Variants in CEP290 observed in about 807,000 individuals in gnomAD.
CEP290 encodes the protein centrosomal protein of 290 kDa.
In CEP290, 317 loss-of-function variants were observed where a neutral mutation model predicts 344.9. The observed-to-expected ratio is 0.92, with a 90% CI of 0.84 to 1.01. The LOEUF (loss-of-function observed/expected upper bound fraction) is 1.01, where lower values mean the gene tolerates loss of function less well. Ranked by LOEUF, CEP290 falls within the 50% of genes least tolerant of loss-of-function variation. The pLI, the probability that CEP290 is intolerant of heterozygous loss-of-function variation, is 0.00. For synonymous variants in CEP290, 932 were observed against 895.8 expected (o/e 1.04, Z -0.72); for missense variants, 2,754 against 2,761.4 (o/e 1.00, Z 0.06).
chr12:88,093,064 C>T (rs764626780), intron 28 of CEP290, among the ~76,000 whole-genome samples: 1 of 152,036 alleles, frequency 6.6e-6, no homozygotes, highest in Non-Finnish European at 1.5e-5. Context: ...TTTTATTAGG[C>T]AACTCATTAT....
chr12:88,055,513 G>T, intron 50 of CEP290, 63 bp downstream of exon 50: 17 of 1,392,682 alleles, frequency 1.2e-5, no homozygotes, highest in Admixed American at 2.4e-5. Context: ...ATAAGACAAT[G>T]CAAGGAACAT....
intron 52 of CEP290, among the ~76,000 whole-genome samples, chr12:88,050,872 T>A (rs2033438132): frequency 1.3e-5 from 2 of 152,176 alleles, no homozygotes; most frequent in Non-Finnish European, 2.9e-5. Context: ...ACTGTGCAAT[T>A]ACTATGTGCA....
chr12:88,082,941 G>A lies in CEP290; in HGVS notation c.5012+90C>T. 4.1e-6 allele frequency: 3 copies of A among 724,722 alleles called. No homozygotes were observed. The South Asian group carries it at 6.2e-5, about 15-fold the overall frequency. 44.9% of individuals were successfully genotyped at this position (724,722 alleles called of 1,614,324 possible). A position where few individuals can be genotyped will look rare whatever the true frequency, so the allele number is the denominator to read the frequency against. On this transcript the variant is annotated intron_variant, in intron 37 of 53. Transcript: ENST00000552810. The stretch of plus-strand genomic sequence containing the variant: ...TGAGACAATATACTTAAAAGTCTTA[G>A]AACAGTGCCTGGCATAGCAAACACT...
At chr12:88,108,950 A>G (rs952741480) in intron 23 of CEP290, 116 bp downstream of exon 23, 2 of 473,666 alleles carry the variant, frequency 4.2e-6, no homozygotes, top group Admixed American at 9.1e-5. Context: ...AAAAAAAAAT[A>G]CAATTGCAAA....
intron 7 of CEP290, 59 bp downstream of exon 7, chr12:88,131,106 T>A (rs2040038450): frequency 8.0e-7 from 1 of 1,257,348 alleles, no homozygotes. Flanking sequence ...TATGTAAACT[T>A]AGGTACTTAT....
intron 37 of CEP290, among the ~76,000 whole-genome samples, chr12:88,081,946 A>G (rs1051539827): frequency 3.9e-5 from 6 of 152,188 alleles, no homozygotes; most frequent in Non-Finnish European, 8.8e-5. Context: ...TGCTGTTGCC[A>G]ATTTTCTTTC....
intron 26 of CEP290, among the ~76,000 whole-genome samples, chr12:88,098,189 C>T (rs1278177595): frequency 6.6e-6 from 1 of 151,768 alleles, no homozygotes; most frequent in Admixed American, 6.6e-5. Flanking sequence ...CCTGTAATCC[C>T]AGCTACTCAG....
intron 17 of CEP290, among the ~76,000 whole-genome samples, chr12:88,118,240 G>A (rs2039178717): frequency 6.6e-6 from 1 of 151,616 alleles, no homozygotes; most frequent in Admixed American, 6.6e-5. Context: ...ATAATTCTAA[G>A]GTTTTTTTCT....
intron 11 of CEP290, among the ~76,000 whole-genome samples, chr12:88,127,626 G>T (rs976511543): frequency 3.3e-5 from 5 of 151,984 alleles, no homozygotes; most frequent in Admixed American, 2.6e-4. Flanking sequence ...AGCATAAAAA[G>T]AAATATTTCA....
At position 88,115,970 on chromosome 12, in the gene CEP290, G is replaced by A. The variant is rs2039013891; in HGVS notation, c.1825-788C>T. ...AATTGATATCAGCATACTTTACTTG[G>A]GAATGAACCTGTTCTTCTTCTAATG... On this transcript the variant is annotated intron_variant, in intron 18 of 53. Coordinates refer to ENST00000552810, the MANE Select transcript of CEP290 (RefSeq NM_025114.4). 1.0e-6 allele frequency: 1 copy of A among 984,414 alleles called. No individual in the cohort carries two copies. The highest frequency in any genetic ancestry group is 1.2e-6 in the Non-Finnish European group (1 of 829,314). 61.0% of individuals were successfully genotyped at this position (984,414 alleles called of 1,614,324 possible).
chr12:88,131,551 C>T (rs2040074090), intron 6 of CEP290, among the ~76,000 whole-genome samples: 1 of 152,132 alleles, frequency 6.6e-6, no homozygotes, highest in East Asian at 1.9e-4. Flanking sequence ...ACATGAGCCA[C>T]TGTGCCTGGC....
At chr12:88,059,041 G>A in intron 48 of CEP290, 21 bp from the exon 49 acceptor site, 1 of 1,573,460 alleles carries the variant, frequency 6.4e-7, no homozygotes, top group Non-Finnish European at 8.7e-7. Context: ...ATGCTAATTA[G>A]TATTTTATGA....
intron 53 of CEP290, chr12:88,050,083 A>G (rs1365115996): frequency 1.9e-5 from 5 of 259,864 alleles, no homozygotes; most frequent in Non-Finnish European, 2.9e-5. Flanking sequence ...CACTGTTGCC[A>G]ATGTGACCCA....
chr12:88,130,641 A>G (rs1000284798), intron 7 of CEP290, 76 bp from the exon 8 acceptor site: 1 of 1,351,368 alleles, frequency 7.4e-7, no homozygotes. Context: ...ATCAGAAACT[A>G]AAGAAAACAA....
At chr12:88,108,211 T>C (rs972702903) in intron 23 of CEP290, among the ~76,000 whole-genome samples, 2 of 152,190 alleles carry the variant, frequency 1.3e-5, no homozygotes, top group Non-Finnish European at 2.9e-5. Context: ...ATAAACCCAG[T>C]ATAGCGGTAT....
intron 27 of CEP290, among the ~76,000 whole-genome samples, chr12:88,096,637 ATACT>A (rs1432359221): frequency 6.6e-6 from 1 of 152,100 alleles, no homozygotes; most frequent in African/African-American, 2.4e-5. Context: ...AAAGTAGCTA[ATACT>A]TAGTCATAAA....
chr12:88,053,537 G>T (rs2033736405), intron 52 of CEP290, 115 bp downstream of exon 52: 6 of 621,908 alleles, frequency 9.6e-6, no homozygotes, highest in Non-Finnish European at 1.7e-5. Context: ...AGCTTATCAG[G>T]AATTCGATTT....
At position 88,107,099 on chromosome 12, in the gene CEP290, C is replaced by T. The variant is rs767663241; in HGVS notation, c.2484-1G>A. ...TTCTGTTTTCCAGGTCTCCTTTTCA[C>T]TAAAAACAAAACAAAACAAAAAGAC... On this transcript the variant is annotated splice_acceptor_variant, in intron 23 of 53. Transcript: ENST00000552810. LOFTEE classifies it high-confidence loss of function. 2 of 1,506,224 alleles carry T rather than the reference C, an allele frequency of 1.3e-6. No individual in the cohort carries two copies. Among genetic ancestry groups the T allele is most frequent in the South Asian group, 2.6e-5 (2 of 77,886 alleles). 93.3% of individuals were successfully genotyped at this position (1,506,224 alleles called of 1,614,324 possible). A position where few individuals can be genotyped will look rare whatever the true frequency, so the allele number is the denominator to read the frequency against.
In CEP290 at chr12:88,058,940, T is replaced by A; in HGVS notation, c.6726A>T (p.Glu2242Asp). The part of the protein sequence containing the change: ...ILNEKMTVQL[E>D]ETGKRLQFAE... ...CAAACTGCAATCTCTTACCAGTCTC[T>A]TCTAGTTGAACTGTCATCTTCTCAT... The change falls in exon 49 of 54, where the codon GAA becomes GAT. Residue 2242 changes from glutamate to aspartate, a missense_variant. By Grantham distance (45) the Glu-to-Asp change is conservative. Transcript: ENST00000552810. 6.2e-7 allele frequency: 1 copy of A among 1,613,878 alleles called. No homozygotes were observed. The highest frequency in any genetic ancestry group is 8.5e-7 in the Non-Finnish European group (1 of 1,179,798).
Sources: allele counts gnomAD v4.1 joint callset (sites outside exome capture counted in the v4.1 genomes callset), GRCh38; gene constraint gnomAD v4.1.1; transcripts MANE v1.5; gene names NCBI Gene and HGNC (gene_info 2026-07-23, HGNC 2026-07-21).